Variants in ADORA2B observed in about 807,000 individuals in gnomAD.
The protein encoded by ADORA2B is adenosine A2b receptor.
A neutral mutation model predicts 20.8 loss-of-function variants in ADORA2B; 18 were observed. The observed-to-expected ratio is 0.87, with a 90% CI of 0.60 to 1.29. The LOEUF is 1.29. Ranked by LOEUF, ADORA2B falls within the 50% of genes most tolerant of loss-of-function variation. The probability of loss-of-function intolerance (pLI) is 0.00; values close to 1 mark genes in which losing one functional copy is unlikely to be tolerated. For missense variants in ADORA2B, 441 were observed against 422.7 expected, an observed-to-expected ratio of 1.04 and a Z score of -0.38; for synonymous variants, 179 against 178.3, an observed-to-expected ratio of 1.00 and a Z score of -0.03.
chr17:15,956,239 C>G (rs1039676145), intron 1 of ADORA2B, among the ~76,000 whole-genome samples: 8 of 152,114 alleles, frequency 5.3e-5, no homozygotes, highest in African/African-American at 1.9e-4. Flanking sequence ...GTTGAGATTC[C>G]TCGTGTGGCA....
chr17:15,934,792 A>G, the ADORA2B span, among the ~76,000 whole-genome samples: 1 of 151,866 alleles, frequency 6.6e-6, no homozygotes, highest in Non-Finnish European at 1.5e-5. Context: ...TGTCTTTTGT[A>G]TTAATTAATT....
chr17:15,946,804 T>G (rs1969812849), intron 1 of ADORA2B, among the ~76,000 whole-genome samples: 1 of 152,148 alleles, frequency 6.6e-6, no homozygotes, highest in Non-Finnish European at 1.5e-5. Context: ...TCCCCACCCA[T>G]GCCATCAGGC....
upstream of ADORA2B, among the ~76,000 whole-genome samples, chr17:15,942,630 G>T (rs1969754523): frequency 1.3e-5 from 2 of 152,286 alleles, no homozygotes; most frequent in African/African-American, 4.8e-5. Context: ...CCCAGCAGCT[G>T]CAGGGCGTGC....
chr17:15,854,144 G>A, the ADORA2B span, among the ~76,000 whole-genome samples: 9 of 152,044 alleles, frequency 5.9e-5, no homozygotes, highest in African/African-American at 1.4e-4. Flanking sequence ...TAGTGGAGGC[G>A]GGGTTTCTCC....
the ADORA2B span, among the ~76,000 whole-genome samples, chr17:15,866,782 G>C: frequency 7.1e-6 from 1 of 141,830 alleles, no homozygotes; most frequent in African/African-American, 2.9e-5. Context: ...CTCTGATGCC[G>C]AGCCAAAGCT....
At chr17:15,958,509 C>T (rs536254711) in intron 1 of ADORA2B, among the ~76,000 whole-genome samples, 29 of 152,274 alleles carry the variant, frequency 1.9e-4, no homozygotes, top group Non-Finnish European at 3.2e-4. Flanking sequence ...ACCCAGTGCT[C>T]CCAGTGCCTT....
At chr17:15,872,961 G>A in the ADORA2B span, among the ~76,000 whole-genome samples, 5 of 152,128 alleles carry the variant, frequency 3.3e-5, no homozygotes, top group Non-Finnish European at 5.9e-5. Context: ...GGTGAAAGTG[G>A]GCATCATTGT....
chr17:15,972,278 A>G (rs1970197754), intron 1 of ADORA2B, among the ~76,000 whole-genome samples: 1 of 152,220 alleles, frequency 6.6e-6, no homozygotes, highest in African/African-American at 2.4e-5. Flanking sequence ...CATGCTGGGA[A>G]GTATACGTCT....
chr17:15,894,519 G>C, the ADORA2B span, among the ~76,000 whole-genome samples: 4 of 152,356 alleles, frequency 2.6e-5, no homozygotes, highest in African/African-American at 7.2e-5. Flanking sequence ...CAGGGAGGCT[G>C]TGCTGATCCA....
chr17:15,917,872 G>A, the ADORA2B span, among the ~76,000 whole-genome samples: 6 of 152,198 alleles, frequency 3.9e-5, no homozygotes, highest in Non-Finnish European at 7.4e-5. Context: ...CCCAAACTTC[G>A]CCTGTCCAGG....
the ADORA2B span, among the ~76,000 whole-genome samples, chr17:15,878,954 C>T: frequency 2.0e-5 from 3 of 152,018 alleles, no homozygotes; most frequent in Non-Finnish European, 4.4e-5. Context: ...TGGTGTATTA[C>T]TGTTGTGGGA....
the ADORA2B span, among the ~76,000 whole-genome samples, chr17:15,920,182 G>T: frequency 1.3e-5 from 2 of 152,130 alleles, no homozygotes. Context: ...ACATGGACAT[G>T]CAGAGTGGAA....
the ADORA2B span, among the ~76,000 whole-genome samples, chr17:15,910,558 C>A: frequency 6.6e-6 from 1 of 152,190 alleles, no homozygotes; most frequent in South Asian, 2.1e-4. Flanking sequence ...CTCGGCCTCC[C>A]AAAGTGCTGG....
chr17:15,955,560 C>T (rs1969956159), intron 1 of ADORA2B, among the ~76,000 whole-genome samples: 2 of 151,910 alleles, frequency 1.3e-5, no homozygotes, highest in Non-Finnish European at 2.9e-5. Context: ...GCATGTACCA[C>T]CAAGTCCGGC....
chr17:15,914,334 C>G, the ADORA2B span, among the ~76,000 whole-genome samples: 1 of 152,194 alleles, frequency 6.6e-6, no homozygotes, highest in Non-Finnish European at 1.5e-5. Flanking sequence ...GTAGCTAGGA[C>G]TACAGATGCA....
chr17:15,917,260 T>A, the ADORA2B span, among the ~76,000 whole-genome samples: 1 of 152,212 alleles, frequency 6.6e-6, no homozygotes, highest in Non-Finnish European at 1.5e-5. Flanking sequence ...GATCTGATTG[T>A]GCCACTGCAT....
intron 1 of ADORA2B, among the ~76,000 whole-genome samples, chr17:15,946,585 A>G (rs1479319707): frequency 6.6e-6 from 1 of 152,228 alleles, no homozygotes; most frequent in Non-Finnish European, 1.5e-5. Context: ...AAGGAAGGGA[A>G]GGAATTCATT....
the ADORA2B span, among the ~76,000 whole-genome samples, chr17:15,928,762 A>G: frequency 0.026 from 3,916 of 152,188 alleles, 180 homozygotes; most frequent in African/African-American, 0.09. Flanking sequence ...AGGAGGATTC[A>G]TGGACAACAT....
the ADORA2B span, among the ~76,000 whole-genome samples, chr17:15,855,277 C>G: frequency 6.6e-6 from 1 of 151,860 alleles, no homozygotes; most frequent in Non-Finnish European, 1.5e-5. Context: ...GGGGTAGGTA[C>G]TATTTATATC....
Sources: allele counts gnomAD v4.1 joint callset (sites outside exome capture counted in the v4.1 genomes callset), GRCh38; gene constraint gnomAD v4.1.1; transcripts MANE v1.5; gene names NCBI Gene and HGNC (gene_info 2026-07-23, HGNC 2026-07-21).